The following PKHD1 variants were observed in gnomAD, a reference collection of about 807,000 sequenced individuals.
PKHD1 encodes fibrocystin.
PKHD1 carries 291 observed loss-of-function variants against 412.0 expected under a neutral mutation model. That is an observed-to-expected ratio of 0.71 (90% CI 0.64 to 0.78). The LOEUF is 0.78. Ranked by LOEUF, PKHD1 falls within the 30% of genes least tolerant of loss-of-function variation. PKHD1 has a pLI of 0.00. For missense variants in PKHD1, 4,825 were observed against 4,950.7 expected, an observed-to-expected ratio of 0.97 and a Z score of 0.76; for synonymous variants, 1,777 against 1,821.5, an observed-to-expected ratio of 0.98 and a Z score of 0.62.
At chr6:51,736,003 A>C (rs1290375664) in intron 60 of PKHD1, among the ~76,000 whole-genome samples, 1 of 152,192 alleles carries the variant, frequency 6.6e-6, no homozygotes, top group Non-Finnish European at 1.5e-5. Flanking sequence ...GGACTTGGAC[A>C]ATTTACCTAA....
chr6:52,077,941 G>A (rs960917164), intron 5 of PKHD1, among the ~76,000 whole-genome samples: 2 of 150,844 alleles, frequency 1.3e-5, no homozygotes, highest in Admixed American at 1.3e-4. Flanking sequence ...TATATCATAG[G>A]AGCTTAGTGA....
At chr6:51,664,161 T>G (rs1011628965) in intron 60 of PKHD1, among the ~76,000 whole-genome samples, 1 of 152,132 alleles carries the variant, frequency 6.6e-6, no homozygotes, top group Non-Finnish European at 1.5e-5. Context: ...TATTTATTTA[T>G]TTTTACATAT....
intron 35 of PKHD1, among the ~76,000 whole-genome samples, chr6:52,000,605 A>C (rs1798252629): frequency 6.6e-6 from 1 of 152,228 alleles, no homozygotes. Flanking sequence ...GGACATTTTC[A>C]CAGGGCTAAT....
chr6:51,901,595 C>T (rs962127559), intron 43 of PKHD1, among the ~76,000 whole-genome samples: 1 of 150,704 alleles, frequency 6.6e-6, no homozygotes, highest in Non-Finnish European at 1.5e-5. Context: ...GGGTACAGCG[C>T]ACCAGCATGG....
At chr6:51,834,821 T>C (rs1685153409) in intron 51 of PKHD1, among the ~76,000 whole-genome samples, 1 of 152,212 alleles carries the variant, frequency 6.6e-6, no homozygotes, top group South Asian at 2.1e-4. Context: ...GATTTTAATA[T>C]AACTCATAAA....
intron 2 of PKHD1, among the ~76,000 whole-genome samples, chr6:52,083,828 CT>C (rs1812381608): frequency 6.6e-6 from 1 of 152,024 alleles, no homozygotes; most frequent in Non-Finnish European, 1.5e-5. Context: ...TTCAATTCTC[CT>C]GCTCAATATA....
chr6:51,644,581 G>T (rs1769833735), intron 63 of PKHD1, among the ~76,000 whole-genome samples: 1 of 152,082 alleles, frequency 6.6e-6, no homozygotes, highest in Non-Finnish European at 1.5e-5. Flanking sequence ...GTTTGAGCTG[G>T]CACATGAGTC....
intron 50 of PKHD1, among the ~76,000 whole-genome samples, chr6:51,842,829 C>G (rs1004898779): frequency 1.3e-5 from 2 of 152,096 alleles, no homozygotes; most frequent in African/African-American, 4.8e-5. Context: ...GTGCAGAAGG[C>G]CAGGGAGGGG....
intron 35 of PKHD1, among the ~76,000 whole-genome samples, chr6:51,980,174 T>A (rs564005765): frequency 4.3e-4 from 65 of 152,356 alleles, no homozygotes; most frequent in African/African-American, 9.4e-4. Flanking sequence ...AAATGGGGGA[T>A]GTCAGTGACA....
At chr6:51,981,075 G>T (rs139926674) in intron 35 of PKHD1, among the ~76,000 whole-genome samples, 1,688 of 151,970 alleles carry the variant, frequency 0.011, 19 homozygotes, top group South Asian at 0.031. Context: ...AAGCTACAGC[G>T]TTTATAACCT....
chr6:52,087,363 C>A (rs1198616569), intron 1 of PKHD1, 71 bp downstream of exon 1: 1 of 152,162 alleles, frequency 6.6e-6, no homozygotes, highest in Non-Finnish European at 1.5e-5. Context: ...TCCTTTTGTT[C>A]ACCAGAACGT....
chr6:51,740,361 T>C (rs974365102), intron 60 of PKHD1, among the ~76,000 whole-genome samples: 1 of 152,202 alleles, frequency 6.6e-6, no homozygotes, highest in African/African-American at 2.4e-5. Flanking sequence ...GAGTAGTTTT[T>C]GTACGAACTT....
chr6:52,052,715 A>G (rs1460956609), intron 21 of PKHD1, among the ~76,000 whole-genome samples: 8 of 152,210 alleles, frequency 5.3e-5, no homozygotes, highest in Non-Finnish European at 1.2e-4. Flanking sequence ...AAGACCAGTA[A>G]GGAGTACTTT....
intron 16 of PKHD1, 54 bp downstream of exon 16, chr6:52,058,269 G>A (rs766880622): frequency 4.7e-4 from 753 of 1,587,468 alleles, no homozygotes; most frequent in Non-Finnish European, 6.1e-4. Flanking sequence ...CCTGCTACAT[G>A]GGACTTTATT....
intron 41 of PKHD1, among the ~76,000 whole-genome samples, chr6:51,905,455 G>C (rs1781933641): frequency 6.6e-6 from 1 of 152,172 alleles, no homozygotes; most frequent in African/African-American, 2.4e-5. Flanking sequence ...TGTTGCAAGA[G>C]AAGAGTAAGT....
rs1401291788 is a variant in PKHD1, at chr6:51,883,148, C to G, written c.7295G>C (p.Ser2432Thr). The G allele has an allele frequency of 6.2e-7, 1 of 1,612,636 alleles. No individual in the cohort carries two copies. Among genetic ancestry groups the G allele is most frequent in the Admixed American group, 1.7e-5 (1 of 60,006 alleles). Residue 2432 changes from serine to threonine, a missense_variant, in exon 46 of 67, where the codon AGT becomes ACT. Transcript: ENST00000371117. ...CRDFGIDVLE[S>T]DANTSVTDSL... ...GTCAGTAACTGAAGTATTTGCATCA[C>G]TTTCCAAGACGTCAATTCCAAAATC...
At chr6:51,677,916 T>TA (rs1480668559) in intron 60 of PKHD1, among the ~76,000 whole-genome samples, 2 of 152,164 alleles carry the variant, frequency 1.3e-5, no homozygotes, top group East Asian at 3.9e-4. Context: ...TCAAACAAAT[T>TA]CAATAGACTA....
chr6:51,670,669 T>A (rs1774781836), intron 60 of PKHD1, among the ~76,000 whole-genome samples: 1 of 152,164 alleles, frequency 6.6e-6, no homozygotes, highest in Non-Finnish European at 1.5e-5. Context: ...TTGGCATGAT[T>A]TTGCAGAGGC....
intron 60 of PKHD1, among the ~76,000 whole-genome samples, chr6:51,691,187 A>G (rs1778113216): frequency 1.3e-5 from 2 of 152,164 alleles, no homozygotes; most frequent in African/African-American, 4.8e-5. Context: ...AGAAAAAAGG[A>G]ATGCTTATAT....
Sources: gnomAD v4.1 joint callset for allele counts (sites outside exome capture counted in the v4.1 genomes callset) on GRCh38, gnomAD v4.1.1 for gene constraint, MANE v1.5 for transcripts, NCBI Gene and HGNC (gene_info 2026-07-23, HGNC 2026-07-21) for gene names.